RGL1: variants seen among roughly 807,000 people sequenced by gnomAD.
The protein encoded by RGL1 is ral guanine nucleotide dissociation stimulator like 1.
Under a neutral mutation model 95.2 loss-of-function variants are expected in RGL1, and 24 were observed. The observed-to-expected ratio is 0.25, with a 90% CI of 0.18 to 0.35. RGL1 has a LOEUF of 0.35. RGL1 is among the 10% of genes least tolerant of loss of function. The pLI, the probability that RGL1 is intolerant of heterozygous loss-of-function variation, is 1.00. For missense variants in RGL1, 715 were observed against 936.3 expected (o/e 0.76, Z 3.08); for synonymous variants, 329 against 344.9 (o/e 0.95, Z 0.51).
intron 3 of RGL1, among the ~76,000 whole-genome samples, chr1:183,865,217 T>C (rs1040648161): frequency 6.6e-6 from 1 of 152,074 alleles, no homozygotes; most frequent in Admixed American, 6.5e-5. Flanking sequence ...ACATGTGGAG[T>C]TGGGAGAACA....
At chr1:183,863,322 TTTTTTTGTTTTTTG>T (rs869269765) in intron 3 of RGL1, among the ~76,000 whole-genome samples, 1 of 152,108 alleles carries the variant, frequency 6.6e-6, no homozygotes, top group East Asian at 1.9e-4. Flanking sequence ...TTCTTCTTCC[TTTTTTTGTTTTTTG>T]TTTTTTGTTT....
intron 16 of RGL1, among the ~76,000 whole-genome samples, chr1:183,919,754 C>T (rs1450630721): frequency 6.6e-6 from 1 of 152,196 alleles, no homozygotes; most frequent in Non-Finnish European, 1.5e-5. Flanking sequence ...CTCCCAAGAT[C>T]CCTTACACAG....
At chr1:183,834,898 G>GTCCTGAAC (rs111760712) in intron 2 of RGL1, among the ~76,000 whole-genome samples, 4,851 of 151,976 alleles carry the variant, frequency 0.032, 284 homozygotes, top group African/African-American at 0.11. Flanking sequence ...GCCCAGGCTA[G>GTCCTGAAC]TCCTGAACTC....
chr1:183,726,537 A>G (rs1200453800), intron 1 of RGL1, among the ~76,000 whole-genome samples: 2 of 152,190 alleles, frequency 1.3e-5, no homozygotes. Context: ...GATGAAATGG[A>G]CAAATTCCTT....
chr1:183,750,656 T>G (rs1041143617), intron 2 of RGL1, among the ~76,000 whole-genome samples: 1 of 152,246 alleles, frequency 6.6e-6, no homozygotes, highest in Non-Finnish European at 1.5e-5. Flanking sequence ...TTTTTGGAAT[T>G]TCAGCATTTT....
intron 4 of RGL1, among the ~76,000 whole-genome samples, chr1:183,867,441 T>A (rs553729987): frequency 6.6e-6 from 1 of 152,000 alleles, no homozygotes; most frequent in Non-Finnish European, 1.5e-5. Flanking sequence ...CTAGATCGAG[T>A]GTGAGGGTCT....
At chr1:183,713,183 G>T (rs1406054354) in intron 1 of RGL1, among the ~76,000 whole-genome samples, 2 of 152,002 alleles carry the variant, frequency 1.3e-5, no homozygotes, top group African/African-American at 4.8e-5. Flanking sequence ...GTACCACAAT[G>T]CATGGCTAAT....
In RGL1 at chr1:183,832,707, C is replaced by A. The variant is rs77013967; in HGVS notation, c.139-14859C>A. On this transcript the variant is annotated intron_variant, in intron 2 of 17. Coordinates refer to ENST00000360851, the MANE Select transcript of RGL1 (RefSeq NM_001297671.3). ...GCTTTTCTGCCTCTTAGCTGTGTGA[C>A]CTGGAATGAGTCACTTAGCCTCTCT... 3.0e-3 allele frequency among the ~76,000 whole-genome samples: 462 copies of A among 152,240 alleles called. 1 individual carries two copies. Among genetic ancestry groups the A allele is most frequent in the Non-Finnish European group, 3.1e-3 (211 of 68,012 alleles).
chr1:183,685,022 G>C (rs964375665), intron 1 of RGL1, among the ~76,000 whole-genome samples: 1 of 152,176 alleles, frequency 6.6e-6, no homozygotes, highest in African/African-American at 2.4e-5. Context: ...ACAGACCAGA[G>C]CTGTTTTTAT....
chr1:183,873,250 T>C (rs1666287770), intron 4 of RGL1, among the ~76,000 whole-genome samples: 1 of 152,212 alleles, frequency 6.6e-6, no homozygotes, highest in South Asian at 2.1e-4. Context: ...ACAATTAGAC[T>C]GTATTGTTTG....
chr1:183,843,818 C>T (rs1428911593), intron 2 of RGL1, among the ~76,000 whole-genome samples: 2 of 108,244 alleles, frequency 1.8e-5, no homozygotes, highest in East Asian at 4.8e-4. Flanking sequence ...AGTATATTTT[C>T]ATGTTTTTTT....
At chr1:183,870,515 G>A (rs535496740) in intron 4 of RGL1, among the ~76,000 whole-genome samples, 7 of 151,790 alleles carry the variant, frequency 4.6e-5, no homozygotes, top group East Asian at 2.0e-4. Flanking sequence ...CTTCTGGCCC[G>A]CTGTCTTCCT....
chr1:183,678,435 A>C (rs1652978929), intron 1 of RGL1, among the ~76,000 whole-genome samples: 2 of 152,198 alleles, frequency 1.3e-5, no homozygotes, highest in South Asian at 4.1e-4. Context: ...TAAAAATATT[A>C]CTTCTGTATT....
chr1:183,655,464 T>C (rs924156070), intron 1 of RGL1, among the ~76,000 whole-genome samples: 1 of 152,216 alleles, frequency 6.6e-6, no homozygotes, highest in African/African-American at 2.4e-5. Flanking sequence ...CATGTAGCAG[T>C]AACAAACTAC....
intron 16 of RGL1, among the ~76,000 whole-genome samples, chr1:183,917,522 C>T (rs1669050399): frequency 6.6e-6 from 1 of 152,228 alleles, no homozygotes; most frequent in Non-Finnish European, 1.5e-5. Context: ...TTTGAAGGCA[C>T]ACTCAGTGCT....
At chr1:183,821,331 A>T (rs1388699285) in intron 2 of RGL1, among the ~76,000 whole-genome samples, 1 of 152,230 alleles carries the variant, frequency 6.6e-6, no homozygotes, top group Admixed American at 6.5e-5. Context: ...CTAAAAATCA[A>T]TATTTTAAAA....
chr1:183,698,869 A>G (rs931588683), intron 1 of RGL1, among the ~76,000 whole-genome samples: 22 of 152,210 alleles, frequency 1.4e-4, no homozygotes, highest in Non-Finnish European at 2.5e-4. Context: ...GAGTTACTTC[A>G]TGGTATGTTC....
chr1:183,690,056 A>G (rs1181816006), intron 1 of RGL1, among the ~76,000 whole-genome samples: 1 of 152,212 alleles, frequency 6.6e-6, no homozygotes, highest in African/African-American at 2.4e-5. Flanking sequence ...GAGCTTGGAA[A>G]GGCTTCATGA....
chr1:183,650,554 CA>C (rs2101997652), intron 1 of RGL1, among the ~76,000 whole-genome samples: 1 of 151,962 alleles, frequency 6.6e-6, no homozygotes, highest in East Asian at 1.9e-4. Flanking sequence ...AAACGAAAAA[CA>C]AAAAACACAA....
Sources: gnomAD v4.1 joint callset for allele counts (sites outside exome capture counted in the v4.1 genomes callset) on GRCh38, gnomAD v4.1.1 for gene constraint, MANE v1.5 for transcripts, NCBI Gene and HGNC (gene_info 2026-07-23, HGNC 2026-07-21) for gene names.